IL1RAPL2: variants seen among roughly 807,000 people sequenced by gnomAD.
IL1RAPL2 encodes the protein X-linked interleukin-1 receptor accessory protein-like 2.
Under a neutral mutation model 44.1 loss-of-function variants are expected in IL1RAPL2, and 3 were observed. The ratio of observed to expected loss-of-function variants is 0.07; its 90% CI spans 0.03 to 0.18. IL1RAPL2 has a LOEUF of 0.18. IL1RAPL2 is among the 10% of genes least tolerant of loss of function. IL1RAPL2 has a pLI of 1.00. For missense variants in IL1RAPL2, 391 were observed against 496.4 expected, an observed-to-expected ratio of 0.79 and a Z score of 2.02; for synonymous variants, 181 against 178.8, an observed-to-expected ratio of 1.01 and a Z score of -0.10.
At chrX:105,725,512 G>A (rs2038342673) in intron 7 of IL1RAPL2, among the ~76,000 whole-genome samples, 1 of 111,093 alleles carries the variant, frequency 9.0e-6, no homozygotes, top group Admixed American at 9.6e-5. Flanking sequence ...CTCTAATAAA[G>A]AGGGAAGGTG....
intron 2 of IL1RAPL2, among the ~76,000 whole-genome samples, chrX:104,675,081 T>C (rs1930716608): frequency 9.0e-6 from 1 of 111,606 alleles, no homozygotes; most frequent in African/African-American, 3.3e-5. Flanking sequence ...TGAAGGGTTT[T>C]TTGTGTCTCT....
chrX:105,023,753 T>C (rs1409809327), intron 2 of IL1RAPL2, among the ~76,000 whole-genome samples: 1 of 111,002 alleles, frequency 9.0e-6, no homozygotes, highest in African/African-American at 3.3e-5. Flanking sequence ...CTCCAAATAG[T>C]CAATAAAGTG....
intron 6 of IL1RAPL2, among the ~76,000 whole-genome samples, chrX:105,606,782 A>T (rs1418167746): frequency 9.0e-6 from 1 of 111,574 alleles, no homozygotes; most frequent in Admixed American, 9.5e-5. Flanking sequence ...TGTCAAGTGA[A>T]ATAAGCCAGG....
At chrX:104,939,050 CTTTTTTTTTTTT>C (rs60881835) in intron 2 of IL1RAPL2, among the ~76,000 whole-genome samples, 3 of 81,490 alleles carry the variant, frequency 3.7e-5, no homozygotes, top group Non-Finnish European at 2.3e-5. Context: ...TGCATGCTAG[CTTTTTTTTTTTT>C]TTTTTTTTTT....
In IL1RAPL2 at chrX:104,931,398, T is replaced by C. The variant is rs565951331; in HGVS notation, c.83-264077T>C. ...CCCTAAAAAAAAAAAAAAAAGCCAG[T>C]GAACTGCTAAGATCTAGCTGTACCT... On this transcript the variant is annotated intron_variant, in intron 2 of 10. Coordinates refer to ENST00000372582, the MANE Select transcript of IL1RAPL2 (RefSeq NM_017416.2). Among the ~76,000 whole-genome samples, 8 of 105,879 alleles carry C rather than the reference T, an allele frequency of 7.6e-5. No individual in the cohort carries two copies. The South Asian group carries it at 1.6e-3, about 22-fold the overall frequency. The allele number at this position is 105,879 out of a possible 115,157, so 91.9% of individuals were successfully genotyped here.
chrX:104,998,083 T>C (rs2030780574), intron 2 of IL1RAPL2, among the ~76,000 whole-genome samples: 1 of 111,036 alleles, frequency 9.0e-6, no homozygotes, highest in South Asian at 3.8e-4. Context: ...CATGATATCA[T>C]AAAGAGTTTG....
At chrX:105,364,586 T>C (rs1300531348) in intron 5 of IL1RAPL2, among the ~76,000 whole-genome samples, 5 of 111,383 alleles carry the variant, frequency 4.5e-5, no homozygotes, top group Non-Finnish European at 7.6e-5. Context: ...TCTCCCTCAA[T>C]TTTTTAATCA....
intron 2 of IL1RAPL2, among the ~76,000 whole-genome samples, chrX:104,665,448 T>A (rs1234782153): frequency 9.0e-6 from 1 of 111,266 alleles, no homozygotes. Flanking sequence ...AATATTTTTT[T>A]CTTATTACAA....
At chrX:105,264,998 T>C (rs2034391001) in intron 4 of IL1RAPL2, among the ~76,000 whole-genome samples, 1 of 112,254 alleles carries the variant, frequency 8.9e-6, no homozygotes, top group Non-Finnish European at 1.9e-5. Context: ...AAAGAACATA[T>C]AAAGATTCCA....
chrX:104,826,945 T>TTG (rs1260602318), intron 2 of IL1RAPL2, among the ~76,000 whole-genome samples: 1 of 93,411 alleles, frequency 1.1e-5, no homozygotes, highest in Non-Finnish European at 2.1e-5. Context: ...CTGCTTTTTT[T>TTG]TTTTTTTTTT....
At chrX:105,066,588 C>T (rs28398084) in intron 2 of IL1RAPL2, among the ~76,000 whole-genome samples, 2,622 of 111,297 alleles carry the variant, frequency 0.024, 65 homozygotes, top group African/African-American at 0.082. Context: ...TTAAAAAATA[C>T]CAATGTGGCT....
At chrX:105,395,518 C>T (rs2035555859) in intron 5 of IL1RAPL2, among the ~76,000 whole-genome samples, 1 of 110,368 alleles carries the variant, frequency 9.1e-6, no homozygotes, top group African/African-American at 3.3e-5. Flanking sequence ...GTATAGAGCC[C>T]TGGAAAAGAG....
intron 5 of IL1RAPL2, among the ~76,000 whole-genome samples, chrX:105,366,503 C>G (rs753457529): frequency 9.0e-6 from 1 of 110,889 alleles, no homozygotes; most frequent in African/African-American, 3.3e-5. Context: ...CCTCTTAAAA[C>G]TGCTTTTGCT....
chrX:105,332,647 C>T (rs1425564695), intron 5 of IL1RAPL2, among the ~76,000 whole-genome samples: 1 of 111,556 alleles, frequency 9.0e-6, no homozygotes, highest in African/African-American at 3.3e-5. Flanking sequence ...ACTATTAGAA[C>T]TAATAAACAA....
At chrX:104,799,611 A>T (rs1932872363) in intron 2 of IL1RAPL2, among the ~76,000 whole-genome samples, 3 of 112,372 alleles carry the variant, frequency 2.7e-5, no homozygotes, top group African/African-American at 9.7e-5. Flanking sequence ...ACTGTTTATT[A>T]AAACAGAACT....
intron 2 of IL1RAPL2, among the ~76,000 whole-genome samples, chrX:104,974,153 G>T (rs1188425195): frequency 9.0e-6 from 1 of 111,278 alleles, no homozygotes; most frequent in Admixed American, 9.6e-5. Flanking sequence ...CACACAAAAA[G>T]CTCATTATTT....
At chrX:104,639,274 G>C (rs1377993556) in intron 1 of IL1RAPL2, among the ~76,000 whole-genome samples, 3 of 111,188 alleles carry the variant, frequency 2.7e-5, no homozygotes, top group Non-Finnish European at 3.8e-5. Flanking sequence ...CATTTTTGTG[G>C]AATGTCTTTT....
chrX:104,967,091 T>C (rs887987669), intron 2 of IL1RAPL2, among the ~76,000 whole-genome samples: 2 of 112,055 alleles, frequency 1.8e-5, no homozygotes, highest in Non-Finnish European at 3.8e-5. Flanking sequence ...ATCTTGCGTG[T>C]AGTAATTAGA....
Position 105,767,582 on chromosome X carries a change from A to G in IL1RAPL2, c.1982A>G (p.Asp661Gly). The G allele has an allele frequency of 3.3e-6, 4 of 1,210,510 alleles. No individual in the cohort carries two copies. The South Asian group carries it at 5.3e-5, about 16-fold the overall frequency. Residue 661 changes from aspartate to glycine, a missense_variant, in exon 11 of 11, where the codon GAT becomes GGT. Asp to Gly is a moderately conservative substitution (Grantham distance 94). Around this residue, in one of 2 missense-constraint regions of IL1RAPL2, gnomAD observed 232 missense variants for 244.8 expected, o/e 0.95. Transcript: ENST00000372582. ...GQLPLNNTLK[D>G]TQEFHRNSSL... Reference sequence around the variant, plus strand: ...CTACCCCTTAATAACACCCTGAAAGATACCCAGGAATTTCACAGGAACAGT... The same window carrying G: ...CTACCCCTTAATAACACCCTGAAAGGTACCCAGGAATTTCACAGGAACAGT...
Sources: gnomAD v4.1 joint callset for allele counts (sites outside exome capture counted in the v4.1 genomes callset) on GRCh38, gnomAD v4.1.1 for gene constraint, gnomAD v4.1.1 regional missense constraint, MANE v1.5 for transcripts, NCBI Gene and HGNC (gene_info 2026-07-23, HGNC 2026-07-21) for gene names.